SWT1: variants seen among roughly 807,000 people sequenced by gnomAD.
SWT1 encodes transcriptional protein SWT1.
A neutral mutation model predicts 107.3 loss-of-function variants in SWT1; 33 were observed. The observed-to-expected ratio is 0.31, with a 90% CI of 0.23 to 0.41. The LOEUF is 0.41. SWT1 is among the 10% of genes least tolerant of loss of function. The pLI, the probability that SWT1 is intolerant of heterozygous loss-of-function variation, is 1.00. For missense variants in SWT1, 898 were observed against 1,028.9 expected (o/e 0.87, Z 1.74); for synonymous variants, 345 against 348.3 (o/e 0.99, Z 0.11).
At chr1:185,226,990 C>T (rs1183806486) in intron 15 of SWT1, 13 of 870,924 alleles carry the variant, frequency 1.5e-5, no homozygotes, top group Non-Finnish European at 2.5e-5. Flanking sequence ...CACATCTCCT[C>T]CATCATGTCT....
Position 185,193,963 on chromosome 1 carries a change from T to C in SWT1, c.1523+3321T>C, listed in dbSNP as rs189279649. 4.4e-4 allele frequency among the ~76,000 whole-genome samples: 67 copies of C among 152,344 alleles called. 1 individual carries two copies. The highest frequency in any genetic ancestry group is 3.3e-3 in the Admixed American group (50 of 15,300). On this transcript the variant is annotated intron_variant, in intron 10 of 18. Transcript: ENST00000367500. Reference sequence around the variant, plus strand: ...CCTCAGGCAAAAAGATAGAAACTTGTAGTGAGATGCATATACATCTAAGAT... The same window carrying C: ...CCTCAGGCAAAAAGATAGAAACTTGCAGTGAGATGCATATACATCTAAGAT...
chr1:185,285,370 A>G (rs949799316), intron 18 of SWT1, among the ~76,000 whole-genome samples: 1 of 152,154 alleles, frequency 6.6e-6, no homozygotes, highest in Non-Finnish European at 1.5e-5. Flanking sequence ...CTTGATGGTT[A>G]CTTTTAATTT....
At chr1:185,257,549 C>T (rs1036052429) in intron 16 of SWT1, among the ~76,000 whole-genome samples, 9 of 151,842 alleles carry the variant, frequency 5.9e-5, no homozygotes, top group South Asian at 2.1e-4. Flanking sequence ...ATTTTCCAGG[C>T]GCGTCTGTCA....
At chr1:185,236,416 A>C (rs938206222) in intron 16 of SWT1, among the ~76,000 whole-genome samples, 7 of 152,216 alleles carry the variant, frequency 4.6e-5, no homozygotes, top group Admixed American at 3.3e-4. Flanking sequence ...GTAATGCCAC[A>C]CATCTACAAC....
chr1:185,290,293 A>G lies in SWT1; in HGVS notation c.2574-381A>G, dbSNP rs144896832. On this transcript the variant is annotated intron_variant, in intron 18 of 18. Coordinates refer to ENST00000367500, the MANE Select transcript of SWT1 (RefSeq NM_017673.7). ...ACCCTGTCTTTTAAAAATAATAACT[A>G]AGGCTGGGCGTGGTGGCTCATGCAT... is the stretch of plus-strand genomic sequence containing the variant. Among the ~76,000 whole-genome samples, 954 of 151,966 alleles carry G rather than the reference A, an allele frequency of 6.3e-3. 12 individuals carry two copies. Among genetic ancestry groups the G allele is most frequent in the African/African-American group, 0.022 (903 of 41,430 alleles).
rs1320107933 is a variant in SWT1 at position 185,180,453 on chromosome 1, T to C, written c.1026+3T>C. 2.5e-6 allele frequency: 4 copies of C among 1,605,166 alleles called. No individual in the cohort carries two copies. The highest frequency in any genetic ancestry group is 3.4e-6 in the Non-Finnish European group (4 of 1,171,988). On this transcript the variant is annotated splice_donor_region_variant and intron_variant, in intron 6 of 18. Coordinates refer to ENST00000367500, the MANE Select transcript of SWT1 (RefSeq NM_017673.7). ...GTATCCAGGATGCAGATCAAGAGGT[T>C]ATTGATATTCTTGTTTACTTTGATA...
intron 16 of SWT1, among the ~76,000 whole-genome samples, chr1:185,233,309 G>T (rs537019700): frequency 1.4e-4 from 21 of 152,204 alleles, no homozygotes; most frequent in Non-Finnish European, 2.6e-4. Context: ...CTTCATTTCT[G>T]CTCTGATCTT....
intron 16 of SWT1, among the ~76,000 whole-genome samples, chr1:185,240,500 C>G (rs1661189866): frequency 6.6e-6 from 1 of 151,904 alleles, no homozygotes; most frequent in South Asian, 2.1e-4. Flanking sequence ...GTGTATATAG[C>G]TTAGTTTTTT....
chr1:185,234,396 TGTTTA>T, intron 16 of SWT1, among the ~76,000 whole-genome samples: 1 of 152,200 alleles, frequency 6.6e-6, no homozygotes, highest in East Asian at 1.9e-4. Context: ...GATCTTTGTT[TGTTTA>T]AAGTGTGTTT....
At chr1:185,212,632 C>G (rs1348092681) in intron 13 of SWT1, among the ~76,000 whole-genome samples, 1 of 151,900 alleles carries the variant, frequency 6.6e-6, no homozygotes, top group Non-Finnish European at 1.5e-5. Flanking sequence ...GAAACCCTGT[C>G]TTTACTAAAA....
intron 10 of SWT1, among the ~76,000 whole-genome samples, chr1:185,193,315 T>C (rs1287877351): frequency 6.6e-6 from 1 of 152,196 alleles, no homozygotes; most frequent in Non-Finnish European, 1.5e-5. Context: ...TGGCTAAGAA[T>C]ATGGTCTGTT....
At chr1:185,222,478 C>T (rs903640281) in intron 15 of SWT1, among the ~76,000 whole-genome samples, 7 of 151,940 alleles carry the variant, frequency 4.6e-5, no homozygotes, top group African/African-American at 1.5e-4. Flanking sequence ...ACATTTAGGC[C>T]GGGCGTGGTG....
chr1:185,273,277 G>A (rs1382008088), intron 17 of SWT1, among the ~76,000 whole-genome samples: 3 of 151,980 alleles, frequency 2.0e-5, no homozygotes, highest in Non-Finnish European at 4.4e-5. Context: ...TGGTGGCATG[G>A]GCCTGCAATC....
intron 7 of SWT1, 32 bp downstream of exon 7, chr1:185,182,089 C>T (rs2102376615): frequency 6.4e-7 from 1 of 1,573,426 alleles, no homozygotes; most frequent in Non-Finnish European, 8.6e-7. Context: ...GTATGCTCCC[C>T]TATGCTTTCC....
At position 185,160,902 on chromosome 1, in the gene SWT1, T is replaced by TC. The variant is rs780276669; in HGVS notation, c.62dup (p.Ser22IlefsTer6). 1 of 1,612,598 alleles carries TC rather than the reference T, an allele frequency of 6.2e-7. No individual in the cohort carries two copies. The highest frequency in any genetic ancestry group is 8.5e-7 in the Non-Finnish European group (1 of 1,179,298). On this transcript the variant is annotated frameshift_variant, in exon 2 of 19. Coordinates refer to ENST00000367500, the MANE Select transcript of SWT1 (RefSeq NM_017673.7). LOFTEE classifies it high-confidence loss of function. ...ATCTCAGAGGAAAGACACCACCACC[T>TC]CATCACCCAATTTTGGTGAAAAAGT...
intron 10 of SWT1, among the ~76,000 whole-genome samples, chr1:185,192,159 A>G (rs1484964466): frequency 2.0e-5 from 3 of 152,224 alleles, no homozygotes; most frequent in African/African-American, 7.2e-5. Flanking sequence ...ATTTACAATC[A>G]TATGTCTGCA....
chr1:185,176,061 A>G (rs1193077110), intron 5 of SWT1, among the ~76,000 whole-genome samples: 1 of 152,146 alleles, frequency 6.6e-6, no homozygotes, highest in African/African-American at 2.4e-5. Context: ...AGGCCCAGGC[A>G]GGCAGATTGT....
At position 185,195,163 on chromosome 1, in the gene SWT1, G is replaced by A. The variant is rs190673354; in HGVS notation, c.1523+4521G>A. Among the ~76,000 whole-genome samples the A allele has an allele frequency of 7.2e-5, 11 of 152,012 alleles. No individual in the cohort carries two copies. The East Asian group carries it at 2.1e-3, about 29-fold the overall frequency. On this transcript the variant is annotated intron_variant, in intron 10 of 18. Coordinates refer to ENST00000367500, the MANE Select transcript of SWT1 (RefSeq NM_017673.7). The stretch of plus-strand genomic sequence containing the variant: ...TCCTTCCCCTATCCCTCAACCACCC[G>A]ACAGGCCCCGGTATGTGGTGTTCCC...
chr1:185,266,244 T>C (rs1043451841), intron 16 of SWT1, among the ~76,000 whole-genome samples: 2 of 152,124 alleles, frequency 1.3e-5, no homozygotes, highest in African/African-American at 4.8e-5. Flanking sequence ...TTTTGTATTT[T>C]TAGTAGACAC....
Sources: gnomAD v4.1 joint callset for allele counts (sites outside exome capture counted in the v4.1 genomes callset) on GRCh38, gnomAD v4.1.1 for gene constraint, MANE v1.5 for transcripts, NCBI Gene and HGNC (gene_info 2026-07-23, HGNC 2026-07-21) for gene names.